FBLN2: variants seen among roughly 807,000 people sequenced by gnomAD.
FBLN2 encodes fibulin-2.
In FBLN2, 81 loss-of-function variants were observed where a neutral mutation model predicts 123.7. The ratio of observed to expected loss-of-function variants is 0.65; its 90% CI spans 0.55 to 0.79. FBLN2 has a LOEUF of 0.79. FBLN2 is among the 30% of genes least tolerant of loss of function. The probability of loss-of-function intolerance (pLI) is 0.00; values close to 1 mark genes in which losing one functional copy is unlikely to be tolerated. For missense variants in FBLN2, 1,603 were observed against 1,681.3 expected, an observed-to-expected ratio of 0.95 and a Z score of 0.81; for synonymous variants, 699 against 701.4, an observed-to-expected ratio of 1.00 and a Z score of 0.05.
chr3:13,563,500 G>T (rs898858292), intron 1 of FBLN2, among the ~76,000 whole-genome samples: 12 of 152,212 alleles, frequency 7.9e-5, no homozygotes, highest in African/African-American at 2.7e-4. Context: ...TGGGTCACTG[G>T]ACTCCAGCTG....
At chr3:13,570,186 G>A in intron 1 of FBLN2, 129 bp from the exon 2 acceptor site, 1 of 973,932 alleles carries the variant, frequency 1.0e-6, no homozygotes, top group Non-Finnish European at 1.5e-6. Flanking sequence ...AGTGCTTAGT[G>A]TGCTCCTGGG....
rs1464459092 is a variant in FBLN2, at chr3:13,629,282, G to A, written c.2832G>A (p.Arg944=). The part of the protein sequence containing the change: ...KAGFQRDAFG[R]GCIDVNECWA... ...GCTTTCAGCGGGATGCCTTTGGCCG[G>A]GGCTGCATCGGTAGGTAGGCTGGTG... The change falls in exon 13 of 18, where the codon CGG becomes CGA. Residue 944 remains arginine, a synonymous_variant. Transcript: ENST00000404922. 1.2e-6 allele frequency: 2 copies of A among 1,608,500 alleles called. No individual in the cohort carries two copies. Among genetic ancestry groups the A allele is most frequent in the Admixed American group, 3.4e-5 (2 of 59,546 alleles).
chr3:13,583,595 C>G (rs1704405744), intron 2 of FBLN2, among the ~76,000 whole-genome samples: 1 of 152,254 alleles, frequency 6.6e-6, no homozygotes, highest in Admixed American at 6.5e-5. Context: ...GCCTCAGGCT[C>G]TGCACTCGCC....
rs1336839086 is a variant in FBLN2, at chr3:13,627,876, T to A, written c.2476T>A (p.Phe826Ile). Reference protein sequence around the residue: ...AMGTHTCQPGFLCQNTKGSFY... With the variant: ...AMGTHTCQPGILCQNTKGSFY... The stretch of plus-strand genomic sequence containing the variant: ...GGGCACGCACACCTGCCAGCCGGGC[T>A]TCTTGTGCCAGAACACCAAGGGCTC... The change falls in exon 11 of 18, where the codon TTC becomes ATC. Residue 826 changes from phenylalanine (F) to isoleucine (I), a missense_variant. Phe to Ile is a conservative substitution (Grantham distance 21). Transcript: ENST00000404922. The A allele has an allele frequency of 6.2e-7, 1 of 1,613,776 alleles. No homozygotes were observed. The highest frequency in any genetic ancestry group is 8.5e-7 in the Non-Finnish European group (1 of 1,179,842).
rs1057035894 is a variant in FBLN2 at position 13,626,484 on chromosome 3, G to A, written c.2336G>A (p.Arg779Gln). The A allele has an allele frequency of 5.7e-6, 9 of 1,578,484 alleles. No individual in the cohort carries two copies. The highest frequency in any genetic ancestry group is 7.7e-6 in the Non-Finnish European group (9 of 1,162,066). The change falls in exon 10 of 18, where the codon CGG becomes CAG. Residue 779 changes from arginine to glutamine, a missense_variant. Arg to Gln is a conservative substitution (Grantham distance 43). Coordinates refer to ENST00000404922, the MANE Select transcript of FBLN2 (RefSeq NM_001004019.2). ...GTGACGGACCTGCACACGTGCAGCC[G>A]GGGCGAGCACTGTGTGAACACACTG... ...ECVTDLHTCS[R>Q]GEHCVNTLGS...
At chr3:13,631,492 C>G (rs1706257346) in intron 16 of FBLN2, 35 bp downstream of exon 16, 2 of 1,559,004 alleles carry the variant, frequency 1.3e-6, no homozygotes, top group East Asian at 4.8e-5. Context: ...CCGCCTCCAT[C>G]AGGGCCTTGG....
chr3:13,610,260 C>G (rs540972301), intron 4 of FBLN2, among the ~76,000 whole-genome samples: 112 of 152,218 alleles, frequency 7.4e-4, no homozygotes, highest in Non-Finnish European at 1.3e-3. Context: ...TGGAGCTGAG[C>G]CCAGAGAGAT....
chr3:13,623,006 G>A (rs993378394), intron 9 of FBLN2, among the ~76,000 whole-genome samples: 2 of 152,242 alleles, frequency 1.3e-5, no homozygotes, highest in Non-Finnish European at 2.9e-5. Context: ...CCAGAGCCCC[G>A]TTTGTCTTCT....
chr3:13,619,844 G>A lies in FBLN2; in HGVS notation c.2155+13G>A, dbSNP rs1485156921. The A allele has an allele frequency of 1.6e-5, 26 of 1,605,056 alleles. No individual in the cohort carries two copies. Among genetic ancestry groups the A allele is most frequent in the Non-Finnish European group, 2.1e-5 (25 of 1,175,820 alleles). On this transcript the variant is annotated intron_variant, in intron 8 of 17. Transcript: ENST00000404922. ...GTGTCCTGTGAAGGTGAGTGCCTTG[G>A]GGTGCCCTCCTACCTGTGCAAACCT...
rs76879139 is a variant in FBLN2, at chr3:13,620,934, G to A, written c.2156-841G>A. On this transcript the variant is annotated intron_variant, in intron 8 of 17. Transcript: ENST00000404922. ...CAGTGACCGGCAGGCCTTCCTCTCC[G>A]ATGCTGGGGGCAGCTCTCAGGTCCA... Among the ~76,000 whole-genome samples the A allele has an allele frequency of 9.8e-3, 1,493 of 152,288 alleles. 28 individuals are homozygous for A. Among genetic ancestry groups the A allele is most frequent in the African/African-American group, 0.034 (1,414 of 41,552 alleles).
chr3:13,624,307 C>G (rs990196314), intron 9 of FBLN2, among the ~76,000 whole-genome samples: 14 of 152,318 alleles, frequency 9.2e-5, no homozygotes, highest in African/African-American at 3.4e-4. Context: ...ACCACCTGAC[C>G]CTGGTGAGCC....
Position 13,558,208 on chromosome 3 carries a change from C to A in FBLN2, c.-42+9000C>A, listed in dbSNP as rs369663346. Among the ~76,000 whole-genome samples the A allele has an allele frequency of 8.0e-4, 122 of 152,264 alleles. 3 individuals are homozygous for A. In the East Asian group the frequency reaches 0.019, roughly 24 times the overall value. Reference sequence around the variant, plus strand: ...GCCTGGTTCTGCCGTAGGCCGGCCCCGCCTGCCTGTCTCCATCGCTGTCTG... The same window carrying A: ...GCCTGGTTCTGCCGTAGGCCGGCCCAGCCTGCCTGTCTCCATCGCTGTCTG... On this transcript the variant is annotated intron_variant, in intron 1 of 17. Coordinates refer to ENST00000404922, the MANE Select transcript of FBLN2 (RefSeq NM_001004019.2).
chr3:13,609,171 G>A (rs915241385), intron 3 of FBLN2, among the ~76,000 whole-genome samples: 2 of 152,232 alleles, frequency 1.3e-5, no homozygotes, highest in Admixed American at 6.5e-5. Flanking sequence ...CCAGGGACCC[G>A]GAGGCTGTGC....
At position 13,626,434 on chromosome 3, in the gene FBLN2, T is replaced by C. The variant is rs750778150; in HGVS notation, c.2297-11T>C. The C allele has an allele frequency of 1.3e-5, 20 of 1,565,976 alleles. No homozygotes were observed. Among genetic ancestry groups the C allele is most frequent in the Non-Finnish European group, 1.6e-5 (18 of 1,151,250 alleles). On this transcript the variant is annotated splice_polypyrimidine_tract_variant and intron_variant, in intron 9 of 17. Coordinates refer to ENST00000404922, the MANE Select transcript of FBLN2 (RefSeq NM_001004019.2). ...ACTCTGCAGCCTCTGATGGCCTCGCTCTCCCTGCAGACATCAACGAGTGTG... is the reference window on the plus strand; with the variant it reads ...ACTCTGCAGCCTCTGATGGCCTCGCCCTCCCTGCAGACATCAACGAGTGTG...
In FBLN2 at chr3:13,613,973, T is replaced by A; in HGVS notation, c.1549-11T>A. Reference sequence around the variant, plus strand: ...CAGAGATTGGGCAGTGATAACTGTCTCTCCCTGCAGCAATGCTGTGACTGC... The same window carrying A: ...CAGAGATTGGGCAGTGATAACTGTCACTCCCTGCAGCAATGCTGTGACTGC... On this transcript the variant is annotated splice_polypyrimidine_tract_variant and intron_variant, in intron 4 of 17. Transcript: ENST00000404922. 1 of 1,609,482 alleles carries A rather than the reference T, an allele frequency of 6.2e-7. No homozygotes were observed. Among genetic ancestry groups the A allele is most frequent in the Middle Eastern group, 1.7e-4 (1 of 6,052 alleles).
intron 8 of FBLN2, among the ~76,000 whole-genome samples, chr3:13,621,089 G>A (rs1705834973): frequency 6.6e-6 from 1 of 152,218 alleles, no homozygotes; most frequent in South Asian, 2.1e-4. Context: ...TGCTGCTCAT[G>A]CAGCCTAGCC....
At chr3:13,565,813 G>A (rs1046448216) in intron 1 of FBLN2, among the ~76,000 whole-genome samples, 3 of 152,190 alleles carry the variant, frequency 2.0e-5, no homozygotes, top group African/African-American at 7.2e-5. Context: ...TGGTACAGAC[G>A]TCTCTGAGTC....
Position 13,637,760 on chromosome 3 carries a change from G to T in FBLN2, c.3537G>T (p.Thr1179=). The T allele has an allele frequency of 6.2e-7, 1 of 1,613,930 alleles. No homozygotes were observed. Among genetic ancestry groups the T allele is most frequent in the Non-Finnish European group, 8.5e-7 (1 of 1,179,828 alleles). ...IKGNEEGYFG[T]RRLNAYTGVV... ...GCAATGAGGAGGGCTACTTTGGCAC[G>T]CGCAGGCTCAATGCCTACACGGGTG... Residue 1179 remains threonine, a synonymous_variant, in exon 18 of 18, where the codon ACG becomes ACT. Transcript: ENST00000404922.
At chr3:13,592,421 C>T (rs995184893) in intron 2 of FBLN2, among the ~76,000 whole-genome samples, 2 of 152,216 alleles carry the variant, frequency 1.3e-5, no homozygotes, top group African/African-American at 4.8e-5. Context: ...TTTTTAATAT[C>T]TGCTAGTGAG....
Sources: gnomAD v4.1 joint callset for allele counts (sites outside exome capture counted in the v4.1 genomes callset) on GRCh38, gnomAD v4.1.1 for gene constraint, MANE v1.5 for transcripts, NCBI Gene and HGNC (gene_info 2026-07-23, HGNC 2026-07-21) for gene names.